The following THSD7A variants were observed in gnomAD, a reference collection of about 807,000 sequenced individuals.
THSD7A encodes thrombospondin type 1 domain containing 7A, also known as thrombospondin type-1 domain-containing protein 7A.
A neutral mutation model predicts 231.3 loss-of-function variants in THSD7A; 96 were observed. That is an observed-to-expected ratio of 0.41 (90% CI 0.35 to 0.49). The LOEUF (loss-of-function observed/expected upper bound fraction) is 0.49. Ranked by LOEUF, THSD7A falls within the 20% of genes least tolerant of loss-of-function variation. THSD7A has a pLI of 0.05. For synonymous variants in THSD7A, 940 were observed against 743.3 expected (o/e 1.26, Z -4.30); for missense variants, 2,290 against 2,070.2 (o/e 1.11, Z -2.06).
At chr7:11,548,893 C>T (rs1376234216) in intron 4 of THSD7A, among the ~76,000 whole-genome samples, 1 of 150,232 alleles carries the variant, frequency 6.7e-6, no homozygotes, top group Non-Finnish European at 1.5e-5. Context: ...CAATATTATA[C>T]CAAATGGACA....
intron 4 of THSD7A, among the ~76,000 whole-genome samples, chr7:11,574,303 T>C (rs1451952930): frequency 6.6e-6 from 1 of 152,226 alleles, no homozygotes; most frequent in Non-Finnish European, 1.5e-5. Context: ...ACAGCAGGAA[T>C]AGTGTTTGTG....
In THSD7A at chr7:11,447,424, G is replaced by T. The variant is rs750120166; in HGVS notation, c.2606C>A (p.Ala869Asp). The T allele has an allele frequency of 1.3e-6, 2 of 1,549,054 alleles. No homozygotes were observed. ...EGCGPGRQAR[A>D]ITCRKQDGGQ... Reference sequence around the variant, plus strand: ...TCCATCTTGCTTGCGACAAGTAATGGCTAAAAGAAAAGCATAAAGCTGTTA... The same window carrying T: ...TCCATCTTGCTTGCGACAAGTAATGTCTAAAAGAAAAGCATAAAGCTGTTA... Residue 869 changes from alanine (A) to aspartate (D), a missense_variant and splice_region_variant, in exon 12 of 28, where the codon GCC (alanine) becomes GAC (aspartate). Ala to Asp is a moderately radical substitution (Grantham distance 126). Transcript: ENST00000423059.
intron 1 of THSD7A, among the ~76,000 whole-genome samples, chr7:11,819,424 A>G (rs887656911): frequency 2.0e-5 from 3 of 152,224 alleles, no homozygotes; most frequent in Non-Finnish European, 4.4e-5. Context: ...GATGCCTTTA[A>G]ATAGGTAAGT....
At chr7:11,730,036 A>G (rs759883508) in intron 1 of THSD7A, among the ~76,000 whole-genome samples, 3 of 151,662 alleles carry the variant, frequency 2.0e-5, no homozygotes, top group South Asian at 2.1e-4. Context: ...ACTTTCTACA[A>G]TTGGTGAGTG....
intron 13 of THSD7A, among the ~76,000 whole-genome samples, chr7:11,443,794 T>C (rs1315600222): frequency 6.6e-6 from 1 of 152,078 alleles, no homozygotes; most frequent in Non-Finnish European, 1.5e-5. Context: ...TACATACTCC[T>C]GTAATGATCA....
At chr7:11,785,352 T>G (rs759181204) in intron 1 of THSD7A, among the ~76,000 whole-genome samples, 1 of 152,110 alleles carries the variant, frequency 6.6e-6, no homozygotes, top group African/African-American at 2.4e-5. Context: ...ACCCCCCACC[T>G]CAGCCTCCTG....
intron 1 of THSD7A, among the ~76,000 whole-genome samples, chr7:11,779,065 T>G (rs781467079): frequency 6.6e-6 from 1 of 152,162 alleles, no homozygotes; most frequent in Non-Finnish European, 1.5e-5. Context: ...TCTAATGGGT[T>G]TGAAAAATTA....
Position 11,379,131 on chromosome 7 carries a change from G to T in THSD7A, c.4740C>A (p.Thr1580=). The T allele has an allele frequency of 6.2e-7, 1 of 1,613,650 alleles. No homozygotes were observed. The change falls in exon 26 of 28, where the codon ACC becomes ACA. Residue 1580 remains threonine (T), a synonymous_variant. Coordinates refer to ENST00000423059, the MANE Select transcript of THSD7A (RefSeq NM_015204.3). ...GTCCTGCTGGGTTACTGGAGGGTTG[G>T]GTTGGATGTACAGCCCGACTGGTTT... The part of the protein sequence containing the change: ...DVKTSRAVHP[T]QPSSNPAGRG...
rs1783587505 is a variant in THSD7A, at chr7:11,406,509, G to A, written c.4063-35C>T. On this transcript the variant is annotated intron_variant, in intron 21 of 27. Coordinates refer to ENST00000423059, the MANE Select transcript of THSD7A (RefSeq NM_015204.3). This position sits in a 1 kb window ranked among gnomAD's most constrained non-coding sequence, Gnocchi z 4.7. ...AGGAAGAAATAACTAATTAGAAAAA[G>A]AGAAATACTTCATTAGAGAGCTCAT... is the stretch of plus-strand genomic sequence containing the variant. 6.4e-7 allele frequency: 1 copy of A among 1,562,984 alleles called. No homozygotes were observed.
chr7:11,678,183 A>G (rs1436019992), intron 1 of THSD7A, among the ~76,000 whole-genome samples: 1 of 152,206 alleles, frequency 6.6e-6, no homozygotes, highest in Admixed American at 6.5e-5. Context: ...TATCTGGGAC[A>G]CAGCTAAAGC....
At chr7:11,580,221 A>G (rs1791096808) in intron 4 of THSD7A, among the ~76,000 whole-genome samples, 1 of 152,166 alleles carries the variant, frequency 6.6e-6, no homozygotes, top group African/African-American at 2.4e-5. Flanking sequence ...CCAGTGGGTA[A>G]TATCTAGGAA....
At chr7:11,822,716 A>G (rs7780724) in intron 1 of THSD7A, among the ~76,000 whole-genome samples, 13,048 of 151,920 alleles carry the variant, frequency 0.086, 698 homozygotes, top group East Asian at 0.26. Flanking sequence ...AATCATTTCT[A>G]TGTCTTCTTT....
intron 1 of THSD7A, among the ~76,000 whole-genome samples, chr7:11,800,041 A>T (rs1784233020): frequency 6.6e-6 from 1 of 152,084 alleles, no homozygotes; most frequent in Admixed American, 6.6e-5. Flanking sequence ...GAACCAGGAG[A>T]GTGTAAGGCG....
At chr7:11,516,077 T>A (rs564169372) in intron 6 of THSD7A, among the ~76,000 whole-genome samples, 1 of 152,262 alleles carries the variant, frequency 6.6e-6, no homozygotes, top group Non-Finnish European at 1.5e-5. Context: ...CTTTCTAAAT[T>A]TGAGATTTCT....
intron 2 of THSD7A, among the ~76,000 whole-genome samples, chr7:11,626,863 T>C (rs1428604024): frequency 6.6e-6 from 1 of 152,158 alleles, no homozygotes; most frequent in East Asian, 1.9e-4. Context: ...CTCAATGTTG[T>C]ATCCTAAATG....
intron 13 of THSD7A, among the ~76,000 whole-genome samples, chr7:11,429,877 A>C (rs972695062): frequency 2.6e-5 from 4 of 152,202 alleles, no homozygotes; most frequent in African/African-American, 9.7e-5. Context: ...CCATCAAATC[A>C]TCCAACCAAT....
In THSD7A at chr7:11,831,844, G is replaced by GCAGCGA; in HGVS notation, c.102_103insTCGCTG (p.Leu34_Leu35insSerLeu). The GCAGCGA allele has an allele frequency of 8.1e-7, 1 of 1,234,548 alleles. No homozygotes were observed. The highest frequency in any genetic ancestry group is 3.6e-5 in the East Asian group (1 of 27,748). The allele number at this position is 1,234,548 out of a possible 1,614,324, so 76.5% of individuals were successfully genotyped here. ...CCCGGGCGTAGCAGCAGCAGCAGGA[G>GCAGCGA]CAGCGGCAGCGGCAGCGGCAGCGGC... On this transcript the variant is annotated inframe_insertion, in exon 1 of 28. Coordinates refer to ENST00000423059, the MANE Select transcript of THSD7A (RefSeq NM_015204.3). This position sits in a 1 kb window ranked among gnomAD's most constrained non-coding sequence, Gnocchi z 5.0.
intron 23 of THSD7A, among the ~76,000 whole-genome samples, chr7:11,400,135 G>A (rs184916038): frequency 3.3e-4 from 47 of 140,898 alleles, no homozygotes; most frequent in African/African-American, 1.0e-3. Context: ...CACAGGAAGG[G>A]GAACATCACA....
chr7:11,375,752 G>C lies in THSD7A; in HGVS notation c.*42C>G. ...GTTGTGGCCTCTGGACATCTATGAAGTCAGAAAGCCGAAACTGGTTGTTGC... is the reference window on the plus strand; with the variant it reads ...GTTGTGGCCTCTGGACATCTATGAACTCAGAAAGCCGAAACTGGTTGTTGC... On this transcript the variant is annotated 3_prime_UTR_variant, in exon 28 of 28. Coordinates refer to ENST00000423059, the MANE Select transcript of THSD7A (RefSeq NM_015204.3). 6.4e-7 allele frequency: 1 copy of C among 1,559,370 alleles called. No individual in the cohort carries two copies. The highest frequency in any genetic ancestry group is 8.8e-7 in the Non-Finnish European group (1 of 1,132,618).
Sources: allele counts gnomAD v4.1 joint callset (sites outside exome capture counted in the v4.1 genomes callset), GRCh38; gene constraint gnomAD v4.1.1; non-coding constraint Gnocchi (gnomAD v3.1); transcripts MANE v1.5; gene names NCBI Gene and HGNC (gene_info 2026-07-23, HGNC 2026-07-21).